The following MAPK14 variants were observed in gnomAD, a reference collection of about 807,000 sequenced individuals.
The protein encoded by MAPK14 is mitogen-activated protein kinase 14, also known as CSAID-binding protein.
MAPK14 carries 16 observed loss-of-function variants against 49.6 expected under a neutral mutation model. The observed-to-expected ratio is 0.32, with a 90% CI of 0.22 to 0.49. The LOEUF (loss-of-function observed/expected upper bound fraction) is 0.49, where lower values mean the gene tolerates loss of function less well. Among genes scored for constraint, MAPK14 ranks in the 20% least tolerant of loss-of-function variants. The probability of loss-of-function intolerance (pLI) is 0.99; values close to 1 mark genes in which losing one functional copy is unlikely to be tolerated. For missense variants in MAPK14, 200 were observed against 441.2 expected, an observed-to-expected ratio of 0.45 and a Z score of 4.90; for synonymous variants, 142 against 158.0, an observed-to-expected ratio of 0.90 and a Z score of 0.76.
In MAPK14 at chr6:36,092,098, G is replaced by A. The variant is rs1392707916; in HGVS notation, c.683-3889G>A. The A allele has an allele frequency of 2.0e-5, 10 of 508,806 alleles. No individual in the cohort carries two copies. In the Middle Eastern group the frequency reaches 1.5e-3, roughly 77 times the overall value. The allele number at this position is 508,806 out of a possible 1,614,324, so 31.5% of individuals were successfully genotyped here. A position where few individuals can be genotyped will look rare whatever the true frequency, so the allele number is the denominator to read the frequency against. On this transcript the variant is annotated intron_variant, in intron 8 of 11. Transcript: ENST00000229794. The stretch of plus-strand genomic sequence containing the variant: ...TGTAAGATGTTTTTCAGCTACGAGA[G>A]CATCGAGTCCCTGCAGCAGGTCATT...
intron 1 of MAPK14, among the ~76,000 whole-genome samples, chr6:36,032,706 CAG>C (rs1300458793): frequency 2.6e-5 from 4 of 152,196 alleles, no homozygotes; most frequent in African/African-American, 9.7e-5. Flanking sequence ...CTAAACAAGA[CAG>C]AAACAAGACA....
chr6:36,061,591 C>G (rs1279233174), intron 3 of MAPK14, among the ~76,000 whole-genome samples: 2 of 152,222 alleles, frequency 1.3e-5, no homozygotes, highest in African/African-American at 4.8e-5. Context: ...CTCTTGGAAG[C>G]AAATCTCATT....
chr6:36,108,618 C>A lies in MAPK14; in HGVS notation c.*171C>A. ...AGTGTGTGTGCATGTGTGTGTCTGT[C>A]TTTGTGGGAGGGTAAGACAATATGA... On this transcript the variant is annotated 3_prime_UTR_variant, in exon 12 of 12. Transcript: ENST00000229794. The A allele has an allele frequency of 1.6e-6, 1 of 627,640 alleles. No homozygotes were observed. Among genetic ancestry groups the A allele is most frequent in the South Asian group, 1.8e-5 (1 of 55,988 alleles). 38.9% of individuals were successfully genotyped at this position (627,640 alleles called of 1,614,324 possible). A position where few individuals can be genotyped will look rare whatever the true frequency, so the allele number is the denominator to read the frequency against.
intron 8 of MAPK14, among the ~76,000 whole-genome samples, chr6:36,086,440 A>T (rs747820295): frequency 5.9e-5 from 9 of 152,176 alleles, no homozygotes; most frequent in Non-Finnish European, 1.2e-4. Context: ...AGAAGAATCA[A>T]ATAGACACAA....
chr6:36,044,334 A>G (rs1005029306), intron 1 of MAPK14, among the ~76,000 whole-genome samples: 7 of 152,326 alleles, frequency 4.6e-5, no homozygotes, highest in African/African-American at 1.7e-4. Context: ...CTCATTCTTC[A>G]TATTCTGTTG....
chr6:36,097,718 T>C (rs541986005), intron 9 of MAPK14: 14 of 152,298 alleles, frequency 9.2e-5, no homozygotes, highest in African/African-American at 3.1e-4. Context: ...CTAGGTAAAA[T>C]AGTCAATAGT....
In MAPK14 at chr6:36,095,992, G is replaced by C. The variant is rs1131205; in HGVS notation, c.688G>C (p.Asp230His). ...RTLFPGTDHI[D>H]QLKLILRLVG... ...CCTTTATGGTCCACCATTAGATATTGATCAGTTGAAGCTCATTTTAAGACT... is the reference window on the plus strand; with the variant it reads ...CCTTTATGGTCCACCATTAGATATTCATCAGTTGAAGCTCATTTTAAGACT... Residue 230 changes from aspartate to histidine, a missense_variant, in exon 9 of 12, where the codon GAT becomes CAT. This residue lies in a region of MAPK14 where 170 missense variants were observed against 407.0 expected (regional missense o/e 0.42). Coordinates refer to ENST00000229794, the MANE Select transcript of MAPK14 (RefSeq NM_139012.3). 6.3e-7 allele frequency: 1 copy of C among 1,598,980 alleles called. No homozygotes were observed. The highest frequency in any genetic ancestry group is 1.1e-5 in the South Asian group (1 of 90,552).
At chr6:36,124,116 TCTCCTCCCTCCCTCCCTC>T in the MAPK14 span, among the ~76,000 whole-genome samples, 1 of 69,800 alleles carries the variant, frequency 1.4e-5, no homozygotes, top group Non-Finnish European at 3.4e-5. Flanking sequence ...TCTCTCTCTC[TCTCCTCCCTCCCTCCCTC>T]CCTCCCTCCC....
chr6:36,073,862 A>G, intron 5 of MAPK14, 142 bp downstream of exon 5: 1 of 974,902 alleles, frequency 1.0e-6, no homozygotes. Flanking sequence ...AAGCTGATTA[A>G]AGAAAGAAGA....
At chr6:36,100,632 T>A (rs1471908292) in intron 9 of MAPK14, among the ~76,000 whole-genome samples, 1 of 152,124 alleles carries the variant, frequency 6.6e-6, no homozygotes, top group Non-Finnish European at 1.5e-5. Flanking sequence ...AATTCATCCA[T>A]TTTTTTAATG....
chr6:36,102,682 A>G (rs201606518), intron 10 of MAPK14, 33 bp downstream of exon 10: 1 of 1,611,488 alleles, frequency 6.2e-7, no homozygotes, highest in Non-Finnish European at 8.5e-7. Context: ...CCTCATGGAT[A>G]TTGAATTGGT....
chr6:36,074,323 T>C (rs528100362), intron 6 of MAPK14, among the ~76,000 whole-genome samples: 46 of 152,212 alleles, frequency 3.0e-4, no homozygotes, highest in Non-Finnish European at 5.0e-4. Flanking sequence ...ATAAATTTGA[T>C]ATATTAGTCA....
intron 8 of MAPK14, among the ~76,000 whole-genome samples, chr6:36,083,802 T>C (rs1764863164): frequency 6.6e-6 from 1 of 152,218 alleles, no homozygotes; most frequent in South Asian, 2.1e-4. Flanking sequence ...CCAGGCAGTC[T>C]GGATGAGTGA....
rs553619006 is a variant in MAPK14, at chr6:36,088,721, C to CAAAA, written c.683-7253_683-7250dup. Among the ~76,000 whole-genome samples the CAAAA allele has an allele frequency of 3.0e-3, 285 of 95,894 alleles. 1 individual carries two copies. The highest frequency in any genetic ancestry group is 9.6e-3 in the African/African-American group (261 of 27,258). The allele number at this position is 95,894 out of a possible 152,430, so 62.9% of individuals were successfully genotyped here. On this transcript the variant is annotated intron_variant, in intron 8 of 11. Transcript: ENST00000229794. ...TGGGCGACAGAGCGAGACTCCGTCT[C>CAAAA]AAAAAAAAAAAAAAAATATTGGCAA...
At chr6:36,108,349 T>TCA in intron 11 of MAPK14, 31 bp from the exon 12 acceptor site, 1 of 1,552,196 alleles carries the variant, frequency 6.4e-7, no homozygotes, top group Non-Finnish European at 8.9e-7. Context: ...GCCTAAACTC[T>TCA]CACATCTTAC....
intron 10 of MAPK14, among the ~76,000 whole-genome samples, chr6:36,105,732 T>C (rs1765779067): frequency 1.3e-5 from 2 of 152,202 alleles, no homozygotes; most frequent in African/African-American, 4.8e-5. Flanking sequence ...ACGGGTGTTT[T>C]ACAGCCTCCA....
intron 2 of MAPK14, among the ~76,000 whole-genome samples, chr6:36,055,205 G>C (rs1001175866): frequency 2.0e-5 from 3 of 152,224 alleles, no homozygotes; most frequent in Non-Finnish European, 4.4e-5. Context: ...ATCCTTTGCT[G>C]TCTGGGCAGA....
intron 4 of MAPK14, among the ~76,000 whole-genome samples, chr6:36,073,274 A>G (rs1438376589): frequency 2.6e-5 from 4 of 152,268 alleles, no homozygotes; most frequent in African/African-American, 9.6e-5. Flanking sequence ...TATCTGAAAG[A>G]TAAGGACTCT....
intron 1 of MAPK14, among the ~76,000 whole-genome samples, chr6:36,032,816 C>T (rs968177218): frequency 1.6e-4 from 25 of 152,132 alleles, no homozygotes; most frequent in African/African-American, 5.8e-4. Flanking sequence ...ACTTTATCAT[C>T]AGCATAAAAA....
Sources: allele counts gnomAD v4.1 joint callset (sites outside exome capture counted in the v4.1 genomes callset), GRCh38; gene constraint gnomAD v4.1.1; regional missense constraint gnomAD v4.1.1; transcripts MANE v1.5; gene names NCBI Gene and HGNC (gene_info 2026-07-23, HGNC 2026-07-21).